KHDRBS2: variants seen among roughly 807,000 people sequenced by gnomAD.
KHDRBS2 encodes the protein KH domain-containing, RNA-binding, signal transduction-associated protein 2.
Under a neutral mutation model 44.3 loss-of-function variants are expected in KHDRBS2, and 26 were observed. That is an observed-to-expected ratio of 0.59 (90% CI 0.43 to 0.81). KHDRBS2 has a LOEUF of 0.81. Among genes scored for constraint, KHDRBS2 ranks in the 40% least tolerant of loss-of-function variants. The pLI, the probability that KHDRBS2 is intolerant of heterozygous loss-of-function variation, is 0.00. For synonymous variants in KHDRBS2, 194 were observed against 151.1 expected (o/e 1.28, Z -2.08); for missense variants, 476 against 433.1 (o/e 1.10, Z -0.88).
At chr6:61,733,060 T>C (rs1774741705) in intron 6 of KHDRBS2, among the ~76,000 whole-genome samples, 1 of 152,178 alleles carries the variant, frequency 6.6e-6, no homozygotes, top group African/African-American at 2.4e-5. Context: ...AAATAAGTTT[T>C]TCTATTTGGG....
intron 6 of KHDRBS2, among the ~76,000 whole-genome samples, chr6:61,792,827 C>T (rs1190455735): frequency 1.3e-5 from 2 of 151,858 alleles, no homozygotes; most frequent in Non-Finnish European, 2.9e-5. Flanking sequence ...AGATGTCAGC[C>T]TTTCCCAAAT....
chr6:62,048,782 C>G (rs1788316476), intron 2 of KHDRBS2, among the ~76,000 whole-genome samples: 1 of 151,776 alleles, frequency 6.6e-6, no homozygotes, highest in South Asian at 2.1e-4. Flanking sequence ...GGAACATTTC[C>G]AAACCAAATG....
chr6:61,976,003 G>A (rs1772567856), intron 4 of KHDRBS2, among the ~76,000 whole-genome samples: 1 of 152,254 alleles, frequency 6.6e-6, no homozygotes, highest in Middle Eastern at 3.4e-3. Context: ...AAACCAGCAT[G>A]TCTGAAGTGC....
At chr6:62,008,592 A>T (rs1467961467) in intron 3 of KHDRBS2, among the ~76,000 whole-genome samples, 4 of 152,178 alleles carry the variant, frequency 2.6e-5, no homozygotes, top group Admixed American at 1.3e-4. Context: ...TCCCCTTGAT[A>T]TGATTTGGCT....
chr6:62,013,746 G>A (rs1334250860), intron 3 of KHDRBS2, among the ~76,000 whole-genome samples: 1 of 152,122 alleles, frequency 6.6e-6, no homozygotes, highest in East Asian at 1.9e-4. Context: ...GCTATCCTTT[G>A]GCAGTGCGTT....
At chr6:62,112,053 T>G (rs1440565870) in intron 2 of KHDRBS2, among the ~76,000 whole-genome samples, 2 of 152,136 alleles carry the variant, frequency 1.3e-5, no homozygotes, top group South Asian at 2.1e-4. Flanking sequence ...GAAATTATTT[T>G]TAACTGATAC....
chr6:61,602,311 C>T, the KHDRBS2 span, among the ~76,000 whole-genome samples: 4 of 152,262 alleles, frequency 2.6e-5, no homozygotes, highest in Non-Finnish European at 4.4e-5. Flanking sequence ...ACAAGAACTT[C>T]CAAAGGCTTG....
chr6:61,628,146 A>G, the KHDRBS2 span, among the ~76,000 whole-genome samples: 1 of 144,158 alleles, frequency 6.9e-6, no homozygotes, highest in African/African-American at 2.6e-5. Flanking sequence ...ATGCAGTCTA[A>G]TTTCTTCCCA....
intron 3 of KHDRBS2, among the ~76,000 whole-genome samples, chr6:61,985,003 A>G (rs188837459): frequency 1.3e-5 from 2 of 152,318 alleles, no homozygotes; most frequent in Admixed American, 6.5e-5. Flanking sequence ...CTCATAAAAA[A>G]ATCAGGATAA....
intron 6 of KHDRBS2, among the ~76,000 whole-genome samples, chr6:61,828,041 T>TCAC (rs1422562951): frequency 6.6e-6 from 1 of 152,170 alleles, no homozygotes; most frequent in Non-Finnish European, 1.5e-5. Context: ...CCTACAGACA[T>TCAC]CACTGATCAT....
At chr6:61,542,972 A>G in the KHDRBS2 span, among the ~76,000 whole-genome samples, 4,422 of 152,110 alleles carry the variant, frequency 0.029, 231 homozygotes, top group African/African-American at 0.1. Context: ...GCTGATTAGG[A>G]TAGAACATGG....
At chr6:61,597,284 C>T in the KHDRBS2 span, among the ~76,000 whole-genome samples, 60 of 152,156 alleles carry the variant, frequency 3.9e-4, no homozygotes, top group African/African-American at 1.4e-3. Flanking sequence ...GAAAGTTGTA[C>T]TTTGGGGACC....
chr6:61,667,131 G>A, the KHDRBS2 span, among the ~76,000 whole-genome samples: 6 of 145,054 alleles, frequency 4.1e-5, no homozygotes, highest in African/African-American at 1.3e-4. Context: ...TAGCCGCAAA[G>A]TACTTTTTTT....
chr6:61,967,128 C>A (rs1770153198), intron 4 of KHDRBS2, among the ~76,000 whole-genome samples: 2 of 142,212 alleles, frequency 1.4e-5, no homozygotes, highest in Admixed American at 7.3e-5. Flanking sequence ...ACAAATATAA[C>A]AAGACACATG....
At chr6:61,624,771 T>A in the KHDRBS2 span, among the ~76,000 whole-genome samples, 36 of 152,116 alleles carry the variant, frequency 2.4e-4, no homozygotes, top group East Asian at 6.0e-3. Flanking sequence ...ATACGCTAAG[T>A]CAGAGGTCTA....
chr6:61,880,951 G>A (rs1374338491), intron 6 of KHDRBS2, among the ~76,000 whole-genome samples: 1 of 151,872 alleles, frequency 6.6e-6, no homozygotes, highest in African/African-American at 2.4e-5. Context: ...GCTTCCTTAG[G>A]AGTGTCATTA....
chr6:62,177,029 A>G (rs1437732392), intron 2 of KHDRBS2, among the ~76,000 whole-genome samples, 156 bp downstream of exon 2: 1 of 151,322 alleles, frequency 6.6e-6, no homozygotes, highest in East Asian at 1.9e-4. Context: ...TTGCACTTTC[A>G]AAAGTTTTCC....
intron 4 of KHDRBS2, among the ~76,000 whole-genome samples, chr6:61,938,432 T>C (rs1425297779): frequency 6.6e-6 from 1 of 152,194 alleles, no homozygotes; most frequent in Admixed American, 6.5e-5. Flanking sequence ...ATCATGATTA[T>C]ATCACTGGCC....
At chr6:61,642,115 A>T in the KHDRBS2 span, among the ~76,000 whole-genome samples, 1 of 152,192 alleles carries the variant, frequency 6.6e-6, no homozygotes, top group Non-Finnish European at 1.5e-5. Flanking sequence ...AAACTAAAAC[A>T]GAAAATAATC....
Sources: gnomAD v4.1 joint callset for allele counts (sites outside exome capture counted in the v4.1 genomes callset) on GRCh38, gnomAD v4.1.1 for gene constraint, MANE v1.5 for transcripts, NCBI Gene and HGNC (gene_info 2026-07-23, HGNC 2026-07-21) for gene names.